Variants in CAMTA1 observed in about 807,000 individuals in gnomAD.
CAMTA1 encodes calmodulin binding transcription activator 1.
Under a neutral mutation model 170.9 loss-of-function variants are expected in CAMTA1, and 27 were observed. The ratio of observed to expected loss-of-function variants is 0.16; its 90% CI spans 0.12 to 0.22. The LOEUF (loss-of-function observed/expected upper bound fraction) is 0.22. Among genes scored for constraint, CAMTA1 ranks in the 10% least tolerant of loss-of-function variants. The probability of loss-of-function intolerance (pLI) is 1.00; values close to 1 mark genes in which losing one functional copy is unlikely to be tolerated. For synonymous variants in CAMTA1, 833 were observed against 891.5 expected (o/e 0.93, Z 1.17); for missense variants, 1,619 against 2,217.2 (o/e 0.73, Z 5.42).
intron 3 of CAMTA1, chr1:6,852,968 C>CA (rs148369172): frequency 1.1e-5 from 1 of 90,628 alleles, no homozygotes; most frequent in Non-Finnish European, 2.5e-5. Flanking sequence ...TCAGGTATGT[C>CA]TGCTCTTCTT....
At chr1:7,428,347 G>A (rs2091973593) in intron 5 of CAMTA1, among the ~76,000 whole-genome samples, 2 of 152,096 alleles carry the variant, frequency 1.3e-5, no homozygotes, top group South Asian at 4.2e-4. Context: ...AGTATCTGTT[G>A]TATGAATGGG....
At chr1:6,812,211 G>C (rs1382409072) in intron 1 of CAMTA1, among the ~76,000 whole-genome samples, 1 of 152,148 alleles carries the variant, frequency 6.6e-6, no homozygotes, top group Non-Finnish European at 1.5e-5. Context: ...AGAGAACCGT[G>C]TTTTCTTGTG....
intron 3 of CAMTA1, among the ~76,000 whole-genome samples, chr1:6,936,966 C>T (rs551783522): frequency 3.3e-5 from 5 of 151,944 alleles, no homozygotes; most frequent in Non-Finnish European, 5.9e-5. Flanking sequence ...CCAGCCTGGG[C>T]GACAGAGTGA....
intron 3 of CAMTA1, among the ~76,000 whole-genome samples, chr1:6,929,510 C>T (rs1375558556): frequency 9.2e-5 from 14 of 152,280 alleles, no homozygotes; most frequent in African/African-American, 3.4e-4. Context: ...ACTACAGGCG[C>T]CCGCCACCAC....
Position 7,482,049 on chromosome 1 carries a change from C to A in CAMTA1, c.510+14148C>A, listed in dbSNP as rs995675426. Among the ~76,000 whole-genome samples, 1 of 152,066 alleles carries A rather than the reference C, an allele frequency of 6.6e-6. No individual in the cohort carries two copies. Among genetic ancestry groups the A allele is most frequent in the African/African-American group, 2.4e-5 (1 of 41,404 alleles). On this transcript the variant is annotated intron_variant, in intron 6 of 22. Transcript: ENST00000303635. This position sits in a 1 kb window ranked among gnomAD's most constrained non-coding sequence, Gnocchi z 4.2. Reference sequence around the variant, plus strand: ...CCACTATAGGTTCATTTTTTCTGTTCTAGAACTTCGTAGAACTGGAATCCT... The same window carrying A: ...CCACTATAGGTTCATTTTTTCTGTTATAGAACTTCGTAGAACTGGAATCCT...
intron 4 of CAMTA1, among the ~76,000 whole-genome samples, chr1:7,167,880 CT>C (rs1205883687): frequency 2.6e-5 from 4 of 152,106 alleles, no homozygotes; most frequent in Admixed American, 2.0e-4. Flanking sequence ...TCCCGAGTAG[CT>C]AGGACTACAG....
At chr1:7,271,521 C>T (rs978453620) in intron 5 of CAMTA1, among the ~76,000 whole-genome samples, 7 of 150,750 alleles carry the variant, frequency 4.6e-5, no homozygotes, top group African/African-American at 1.5e-4. Flanking sequence ...TTGATACTCT[C>T]AAATATCAAC....
At chr1:7,523,456 G>T (rs2094391377) in intron 6 of CAMTA1, among the ~76,000 whole-genome samples, 1 of 152,158 alleles carries the variant, frequency 6.6e-6, no homozygotes, top group Non-Finnish European at 1.5e-5. Context: ...TCTTCACTAG[G>T]TTGGGTCTTC....
intron 3 of CAMTA1, among the ~76,000 whole-genome samples, chr1:6,936,755 G>A (rs960920842): frequency 2.6e-5 from 4 of 152,252 alleles, no homozygotes; most frequent in African/African-American, 9.6e-5. Context: ...TTGGGAGGCC[G>A]AGGCAGGTGG....
intron 4 of CAMTA1, among the ~76,000 whole-genome samples, chr1:7,232,311 C>G (rs543819139): frequency 6.6e-6 from 1 of 152,310 alleles, no homozygotes; most frequent in South Asian, 2.1e-4. Context: ...TCTCAGCACT[C>G]ATGGCCGGCT....
intron 4 of CAMTA1, among the ~76,000 whole-genome samples, chr1:7,128,956 C>T (rs1200934914): frequency 6.7e-6 from 1 of 149,216 alleles, no homozygotes; most frequent in Non-Finnish European, 1.5e-5. Context: ...TTCTCCTGTT[C>T]AGCCTCCCGA....
In CAMTA1 at chr1:7,246,723, G is replaced by A. The variant is rs781103757; in HGVS notation, c.303-2768G>A. Among the ~76,000 whole-genome samples the A allele has an allele frequency of 3.4e-4, 47 of 136,846 alleles. 1 individual carries two copies. Among genetic ancestry groups the A allele is most frequent in the Middle Eastern group, 4.1e-3 (1 of 242 alleles). The allele number at this position is 136,846 out of a possible 152,430, so 89.8% of individuals were successfully genotyped here. On this transcript the variant is annotated intron_variant, in intron 4 of 22. Coordinates refer to ENST00000303635, the MANE Select transcript of CAMTA1 (RefSeq NM_015215.4). ...GCTTTGTGCCCCAGGCCAGAGTGCC[G>A]TGGCACGATCTCAGCTCACTGCAAC...
intron 3 of CAMTA1, among the ~76,000 whole-genome samples, chr1:6,906,032 C>T (rs1678383460): frequency 6.6e-6 from 1 of 152,216 alleles, no homozygotes; most frequent in Non-Finnish European, 1.5e-5. Flanking sequence ...GAGGCTCTGG[C>T]CACAGGAGCC....
chr1:7,118,562 C>T (rs1382158195), intron 4 of CAMTA1, among the ~76,000 whole-genome samples: 5 of 151,892 alleles, frequency 3.3e-5, no homozygotes, highest in South Asian at 2.1e-4. Context: ...ACCATTCTGA[C>T]GCACAGCAGA....
At chr1:6,908,263 T>C (rs1002734543) in intron 3 of CAMTA1, among the ~76,000 whole-genome samples, 15 of 152,118 alleles carry the variant, frequency 9.9e-5, no homozygotes, top group African/African-American at 3.6e-4. Flanking sequence ...GGGCCGTTAC[T>C]CCCCCTCACT....
chr1:7,607,158 T>G (rs1381344811), intron 6 of CAMTA1, among the ~76,000 whole-genome samples: 3 of 148,000 alleles, frequency 2.0e-5, no homozygotes, highest in Non-Finnish European at 3.0e-5. Context: ...GATGGATGGT[T>G]AGATGGGTGG....
chr1:7,649,291 C>G (rs2095832101), intron 7 of CAMTA1, among the ~76,000 whole-genome samples: 1 of 152,242 alleles, frequency 6.6e-6, no homozygotes, highest in African/African-American at 2.4e-5. Flanking sequence ...AGCTCGGTCC[C>G]TGAGAGCAGA....
intron 3 of CAMTA1, among the ~76,000 whole-genome samples, chr1:7,006,815 T>G (rs534875369): frequency 6.6e-6 from 1 of 152,258 alleles, no homozygotes; most frequent in East Asian, 1.9e-4. Flanking sequence ...CACACTAACA[T>G]TCTATGATTT....
At chr1:7,740,328 G>A (rs2096802666) in intron 16 of CAMTA1, among the ~76,000 whole-genome samples, 1 of 152,150 alleles carries the variant, frequency 6.6e-6, no homozygotes, top group Admixed American at 6.5e-5. Context: ...GGAGGAGTGT[G>A]GCTGTTTCCT....
Sources: gnomAD v4.1 joint callset for allele counts (sites outside exome capture counted in the v4.1 genomes callset) on GRCh38, gnomAD v4.1.1 for gene constraint, Gnocchi (gnomAD v3.1) non-coding constraint, MANE v1.5 for transcripts, NCBI Gene and HGNC (gene_info 2026-07-23, HGNC 2026-07-21) for gene names.